The following MCCC2 variants were observed in gnomAD, a reference collection of about 807,000 sequenced individuals.
The protein encoded by MCCC2 is methylcrotonyl-CoA carboxylase subunit 2.
MCCC2 carries 52 observed loss-of-function variants against 77.2 expected under a neutral mutation model. The observed-to-expected ratio is 0.67, with a 90% CI of 0.54 to 0.85. MCCC2 has a LOEUF of 0.85. Ranked by LOEUF, MCCC2 falls within the 40% of genes least tolerant of loss-of-function variation. The pLI, the probability that MCCC2 is intolerant of heterozygous loss-of-function variation, is 0.00. For missense variants in MCCC2, 682 were observed against 703.2 expected, an observed-to-expected ratio of 0.97 and a Z score of 0.34; for synonymous variants, 253 against 248.4, an observed-to-expected ratio of 1.02 and a Z score of -0.18.
At chr5:71,603,268 T>A (rs1352610472) in intron 5 of MCCC2, among the ~76,000 whole-genome samples, 1 of 151,620 alleles carries the variant, frequency 6.6e-6, no homozygotes, top group Non-Finnish European at 1.5e-5. Flanking sequence ...TACAAAAAAT[T>A]AGCCGAGCGT....
chr5:71,594,062 C>A (rs1745083312), intron 2 of MCCC2, among the ~76,000 whole-genome samples: 1 of 152,186 alleles, frequency 6.6e-6, no homozygotes, highest in South Asian at 2.1e-4. Context: ...CCCCTGTACG[C>A]AGCTATGGAA....
rs1324618267 is a variant in MCCC2 at position 71,657,114 on chromosome 5, C to G, written c.*254C>G. 1 of 420,932 alleles carries G rather than the reference C, an allele frequency of 2.4e-6. No individual in the cohort carries two copies. Among genetic ancestry groups the G allele is most frequent in the Non-Finnish European group, 4.4e-6 (1 of 227,398 alleles). The allele number at this position is 420,932 out of a possible 1,614,324, so 26.1% of individuals were successfully genotyped here. A position where few individuals can be genotyped will look rare whatever the true frequency, so the allele number is the denominator to read the frequency against. On this transcript the variant is annotated 3_prime_UTR_variant, in exon 17 of 17. Coordinates refer to ENST00000340941, the MANE Select transcript of MCCC2 (RefSeq NM_022132.5). ...AGCGGAGACAGTAATTTACGGTTAT[C>G]CTTTCTGACCCACAAAGTATGAAAA...
Position 71,649,271 on chromosome 5 carries a change from C to T in MCCC2, c.1373+18C>T, listed in dbSNP as rs200716557. ...GCATATAGGTAGGTGTCATGATTTT[C>T]TCTGAAACAAAGAAACATGCTTCAA... On this transcript the variant is annotated intron_variant, in intron 14 of 16. Transcript: ENST00000340941. 3.4e-4 allele frequency: 555 copies of T among 1,610,300 alleles called. 6 individuals are homozygous for T. In the South Asian group the frequency reaches 5.8e-3, roughly 17 times the overall value.
At chr5:71,626,842 T>C (rs1746544659) in intron 7 of MCCC2, 89 bp downstream of exon 7, 4 of 1,245,920 alleles carry the variant, frequency 3.2e-6, no homozygotes, top group Non-Finnish European at 4.6e-6. Context: ...TTTTAAAAAA[T>C]ATTGTGATAA....
At chr5:71,641,493 A>G (rs1747122075) in intron 11 of MCCC2, 1 of 234,656 alleles carries the variant, frequency 4.3e-6, no homozygotes, top group Non-Finnish European at 8.4e-6. Flanking sequence ...TCCCAGAAGG[A>G]TATAGAGTGA....
At chr5:71,599,262 C>G (rs148083961) in intron 3 of MCCC2, among the ~76,000 whole-genome samples, 1 of 151,960 alleles carries the variant, frequency 6.6e-6, no homozygotes, top group East Asian at 2.0e-4. Flanking sequence ...CCCAGTTACT[C>G]GGGAGGCTGA....
At chr5:71,612,278 G>GT (rs2112364790) in intron 6 of MCCC2, among the ~76,000 whole-genome samples, 1 of 152,054 alleles carries the variant, frequency 6.6e-6, no homozygotes, top group African/African-American at 2.4e-5. Context: ...TTGGATTTAA[G>GT]TTTGTCATAT....
At chr5:71,639,193 G>A (rs1245682398) in intron 10 of MCCC2, among the ~76,000 whole-genome samples, 5 of 152,162 alleles carry the variant, frequency 3.3e-5, no homozygotes, top group Non-Finnish European at 7.3e-5. Flanking sequence ...GTCCTCAGAC[G>A]ACGTGCACTA....
At chr5:71,645,039 G>C (rs947525717) in intron 12 of MCCC2, among the ~76,000 whole-genome samples, 1 of 151,926 alleles carries the variant, frequency 6.6e-6, no homozygotes, top group Non-Finnish European at 1.5e-5. Context: ...TATATAGACA[G>C]TATTTCTCAA....
At chr5:71,629,735 C>CATTATTATTATTATTATTATT (rs3066461) in intron 7 of MCCC2, among the ~76,000 whole-genome samples, 31 of 147,986 alleles carry the variant, frequency 2.1e-4, no homozygotes, top group African/African-American at 6.2e-4. Flanking sequence ...AGCCTGCAGC[C>CATTATTATTATTATTATTATT]ATTATTATTA....
chr5:71,637,948 A>C (rs1403512689), intron 10 of MCCC2, among the ~76,000 whole-genome samples: 1 of 151,954 alleles, frequency 6.6e-6, no homozygotes, highest in Non-Finnish European at 1.5e-5. Flanking sequence ...TCCGGACTTC[A>C]TGATCTGCCC....
intron 6 of MCCC2, among the ~76,000 whole-genome samples, chr5:71,606,190 A>G (rs541732900): frequency 6.6e-6 from 1 of 151,082 alleles, no homozygotes; most frequent in African/African-American, 2.4e-5. Flanking sequence ...CACGATATTG[A>G]TTCTTCCTAC....
intron 10 of MCCC2, among the ~76,000 whole-genome samples, chr5:71,639,398 CTT>C (rs879464546): frequency 2.0e-5 from 3 of 146,422 alleles, no homozygotes; most frequent in African/African-American, 2.5e-5. Context: ...GTACAAATGG[CTT>C]TTTTTTTTTT....
intron 12 of MCCC2, among the ~76,000 whole-genome samples, chr5:71,644,602 T>C (rs1168648831): frequency 1.3e-5 from 2 of 152,172 alleles, no homozygotes; most frequent in Non-Finnish European, 2.9e-5. Flanking sequence ...ATTCATATAC[T>C]TATTTGATAA....
rs774107846 is a variant in MCCC2 at position 71,634,940 on chromosome 5, T to C, written c.804-3T>C. On this transcript the variant is annotated splice_region_variant and splice_polypyrimidine_tract_variant and intron_variant, in intron 8 of 16. Transcript: ENST00000340941. ...TGACAAGTTTAGTTTGCTTATTCTGTAGAAAGTCTGGAGTAAGTGACCACT... is the reference window on the plus strand; with the variant it reads ...TGACAAGTTTAGTTTGCTTATTCTGCAGAAAGTCTGGAGTAAGTGACCACT... 5 of 1,613,644 alleles carry C rather than the reference T, an allele frequency of 3.1e-6. No homozygotes were observed. The South Asian group carries it at 4.4e-5, about 14-fold the overall frequency.
chr5:71,588,592 A>G (rs1744851443), intron 1 of MCCC2, among the ~76,000 whole-genome samples: 1 of 152,210 alleles, frequency 6.6e-6, no homozygotes, highest in Non-Finnish European at 1.5e-5. Context: ...GGGAAGATGG[A>G]CAAGAAAGCA....
chr5:71,645,723 A>C (rs1747256217), intron 12 of MCCC2, among the ~76,000 whole-genome samples: 1 of 152,210 alleles, frequency 6.6e-6, no homozygotes, highest in African/African-American at 2.4e-5. Context: ...TGCTGTTTAC[A>C]GTGTTAGTGA....
intron 4 of MCCC2, among the ~76,000 whole-genome samples, chr5:71,600,823 G>A (rs191564950): frequency 4.6e-5 from 7 of 152,308 alleles, no homozygotes; most frequent in Non-Finnish European, 1.0e-4. Flanking sequence ...CTGACTTGCT[G>A]TGTGTCAGCT....
Position 71,656,773 on chromosome 5 carries a change from A to G in MCCC2, c.1605A>G (p.Ala535=). Residue 535 remains alanine (A), a synonymous_variant, in exon 17 of 17, where the codon GCA becomes GCG. Coordinates refer to ENST00000340941, the MANE Select transcript of MCCC2 (RefSeq NM_022132.5). ...RVWDDGIIDP[A]DTRLVLGLSF... ...GGGATGATGGGATCATTGATCCAGC[A>G]GACACCAGACTGGTCTTGGGTCTCA... 1 of 1,614,154 alleles carries G rather than the reference A, an allele frequency of 6.2e-7. No individual in the cohort carries two copies. Among genetic ancestry groups the G allele is most frequent in the Non-Finnish European group, 8.5e-7 (1 of 1,179,994 alleles).
Sources: allele counts gnomAD v4.1 joint callset (sites outside exome capture counted in the v4.1 genomes callset), GRCh38; gene constraint gnomAD v4.1.1; transcripts MANE v1.5; gene names NCBI Gene and HGNC (gene_info 2026-07-23, HGNC 2026-07-21).